Variants in THSD4 observed in about 807,000 individuals in gnomAD.
THSD4 encodes the protein thrombospondin type 1 domain containing 4.
A neutral mutation model predicts 119.0 loss-of-function variants in THSD4; 69 were observed. The observed-to-expected ratio is 0.58, with a 90% confidence interval of 0.48 to 0.71. The LOEUF is 0.71. Among genes scored for constraint, THSD4 ranks in the 30% least tolerant of loss-of-function variants. The pLI is 0.00. For missense variants in THSD4, 1,393 were observed against 1,391.1 expected (o/e 1.00, Z -0.02); for synonymous variants, 524 against 540.4 (o/e 0.97, Z 0.42).
chr15:71,524,948 C>T (rs1473114830), intron 7 of THSD4, among the ~76,000 whole-genome samples: 2 of 150,810 alleles, frequency 1.3e-5, no homozygotes, highest in South Asian at 2.1e-4. Flanking sequence ...CTTGCCCATG[C>T]TCCCTCCCTC....
intron 6 of THSD4, among the ~76,000 whole-genome samples, chr15:71,343,122 T>C (rs925558633): frequency 1.3e-5 from 2 of 152,226 alleles, no homozygotes; most frequent in African/African-American, 4.8e-5. Flanking sequence ...CAGTGGCTCA[T>C]GCCTGTAATC....
intron 4 of THSD4, among the ~76,000 whole-genome samples, chr15:71,231,577 G>A (rs1346207150): frequency 1.3e-5 from 2 of 152,022 alleles, no homozygotes; most frequent in Non-Finnish European, 2.9e-5. Flanking sequence ...CCTTCCTGTG[G>A]CCATACCCCC....
intron 1 of THSD4, among the ~76,000 whole-genome samples, chr15:71,117,061 T>A (rs1004880924): frequency 2.6e-5 from 4 of 151,646 alleles, no homozygotes; most frequent in African/African-American, 9.7e-5. Flanking sequence ...GGAGCAGGGA[T>A]TTCCCAGAGG....
chr15:71,382,232 A>C (rs1199617427), intron 6 of THSD4, among the ~76,000 whole-genome samples: 1 of 152,186 alleles, frequency 6.6e-6, no homozygotes, highest in Non-Finnish European at 1.5e-5. Flanking sequence ...TGTTTCGGTA[A>C]AACACAGAAT....
intron 3 of THSD4, among the ~76,000 whole-genome samples, chr15:71,202,227 G>T (rs2043809723): frequency 6.6e-6 from 1 of 152,172 alleles, no homozygotes; most frequent in Non-Finnish European, 1.5e-5. Flanking sequence ...GTAGTGATCT[G>T]TGTCTTTGCC....
chr15:71,436,580 G>A (rs1287429318), intron 7 of THSD4, among the ~76,000 whole-genome samples: 1 of 152,088 alleles, frequency 6.6e-6, no homozygotes, highest in Non-Finnish European at 1.5e-5. Context: ...GAGTGGTTTC[G>A]GTTATCCTGT....
intron 6 of THSD4, among the ~76,000 whole-genome samples, chr15:71,280,836 G>A (rs939422909): frequency 3.9e-5 from 6 of 152,138 alleles, no homozygotes; most frequent in Admixed American, 6.5e-5. Context: ...CAGCATACCC[G>A]CTGTGAATGG....
intron 3 of THSD4, among the ~76,000 whole-genome samples, chr15:71,167,382 T>C (rs1189631964): frequency 6.6e-6 from 1 of 152,226 alleles, no homozygotes; most frequent in Non-Finnish European, 1.5e-5. Context: ...CAATAAAACT[T>C]TATTTACAAA....
chr15:71,247,193 C>T (rs2044211384), intron 5 of THSD4, among the ~76,000 whole-genome samples: 1 of 151,332 alleles, frequency 6.6e-6, no homozygotes, highest in African/African-American at 2.4e-5. Context: ...CCACTGCACC[C>T]GGCCTTGGTT....
At chr15:71,112,133 T>C, upstream of THSD4, 1 of 1,613,522 alleles carries the variant, frequency 6.2e-7, no homozygotes, top group Non-Finnish European at 8.5e-7. Flanking sequence ...TCCTCAGAGA[T>C]TTGGGAGCCC....
At chr15:71,337,158 GT>G (rs1387123158) in intron 6 of THSD4, among the ~76,000 whole-genome samples, 1 of 152,212 alleles carries the variant, frequency 6.6e-6, no homozygotes, top group African/African-American at 2.4e-5. Flanking sequence ...ATGTGTCTTA[GT>G]TGGGTACAAC....
intron 7 of THSD4, among the ~76,000 whole-genome samples, chr15:71,478,426 C>T (rs1328010751): frequency 1.3e-5 from 2 of 152,098 alleles, no homozygotes; most frequent in East Asian, 3.8e-4. Flanking sequence ...AGTAAATAAA[C>T]ACATGCATAC....
intron 6 of THSD4, among the ~76,000 whole-genome samples, chr15:71,278,977 T>A (rs553807136): frequency 6.6e-6 from 1 of 152,220 alleles, no homozygotes; most frequent in African/African-American, 2.4e-5. Flanking sequence ...TCTAAAGTCA[T>A]GCTCCAGCAA....
At chr15:71,195,748 G>A (rs551426738) in intron 3 of THSD4, among the ~76,000 whole-genome samples, 97 of 152,216 alleles carry the variant, frequency 6.4e-4, no homozygotes, top group African/African-American at 2.3e-3. Context: ...GGATGGGGTT[G>A]GGGGAAAGAC....
rs200892599 is a variant in THSD4 at position 71,560,970 on chromosome 15, C to CA, written c.1153-99560_1153-99559insA. 7.5e-4 allele frequency among the ~76,000 whole-genome samples: 93 copies of CA among 123,978 alleles called. 17 individuals carry two copies. The highest frequency in any genetic ancestry group is 4.6e-3 in the Middle Eastern group (1 of 218). The allele number at this position is 123,978 out of a possible 152,430, so 81.3% of individuals were successfully genotyped here. ...GTTCACTAAGCATCATTCTCTTTAT[C>CA]TTTTTTTTTTTTTTTTTTTTTTGAG... On this transcript the variant is annotated intron_variant, in intron 7 of 17. Transcript: ENST00000261862.
rs553537137 is a variant in THSD4, at chr15:71,244,486, A to C, written c.912+1390A>C. On this transcript the variant is annotated intron_variant, in intron 5 of 17. Transcript: ENST00000261862. ...CTTAATTTGTGATCTTAATAATTTC[A>C]TTGAATGCCTGGGTTGCTTTTTAGC... 2.0e-5 allele frequency among the ~76,000 whole-genome samples: 3 copies of C among 152,200 alleles called. No individual in the cohort carries two copies. The South Asian group carries it at 6.2e-4, about 32-fold the overall frequency.
At chr15:71,700,374 CAAT>C (rs1461969766) in intron 8 of THSD4, among the ~76,000 whole-genome samples, 7 of 151,928 alleles carry the variant, frequency 4.6e-5, no homozygotes, top group African/African-American at 1.4e-4. Context: ...ATAAATGAAA[CAAT>C]AAATGTACAA....
At chr15:71,745,004 G>C (rs925083510) in intron 11 of THSD4, 102 bp from the exon 12 acceptor site, 2 of 1,453,138 alleles carry the variant, frequency 1.4e-6, no homozygotes, top group African/African-American at 1.4e-5. Context: ...CACTGTTTCT[G>C]TGCCCTCTCT....
chr15:71,223,550 C>T (rs1340667544), intron 4 of THSD4, among the ~76,000 whole-genome samples: 1 of 152,172 alleles, frequency 6.6e-6, no homozygotes, highest in African/African-American at 2.4e-5. Context: ...GATCTCAGGG[C>T]TTAATAGACA....
Sources: allele counts gnomAD v4.1 joint callset (sites outside exome capture counted in the v4.1 genomes callset), GRCh38; gene constraint gnomAD v4.1.1; transcripts MANE v1.5; gene names NCBI Gene and HGNC (gene_info 2026-07-23, HGNC 2026-07-21).